FARSB: variants seen among roughly 807,000 people sequenced by gnomAD.
FARSB encodes phenylalanine--tRNA ligase beta subunit.
Under a neutral mutation model 69.6 loss-of-function variants are expected in FARSB, and 40 were observed. The observed-to-expected ratio is 0.57, with a 90% confidence interval of 0.45 to 0.75. The LOEUF (loss-of-function observed/expected upper bound fraction) is 0.75. Among genes scored for constraint, FARSB ranks in the 30% least tolerant of loss-of-function variants. FARSB has a pLI of 0.00. For missense variants in FARSB, 632 were observed against 722.9 expected (o/e 0.87, Z 1.44); for synonymous variants, 235 against 247.2 (o/e 0.95, Z 0.46).
At chr2:222,624,187 T>C in intron 12 of FARSB, 85 bp downstream of exon 12, 1 of 888,060 alleles carries the variant, frequency 1.1e-6, no homozygotes, top group South Asian at 1.4e-5. Flanking sequence ...GCTTGATTCC[T>C]ACGTTCTGTT....
chr2:222,621,282 C>T (rs1023305968), intron 13 of FARSB, among the ~76,000 whole-genome samples: 1 of 152,198 alleles, frequency 6.6e-6, no homozygotes, highest in African/African-American at 2.4e-5. Flanking sequence ...GTAGTTAGTA[C>T]ACAGTAAGAA....
At chr2:222,639,554 G>A (rs1691663791) in intron 5 of FARSB, 26 bp downstream of exon 5, 6 of 1,130,510 alleles carry the variant, frequency 5.3e-6, no homozygotes, top group Admixed American at 1.9e-5. Flanking sequence ...GGGAAGGCAA[G>A]GAAGAAAGAA....
At chr2:222,612,001 G>T (rs909970964) in intron 15 of FARSB, among the ~76,000 whole-genome samples, 2 of 152,080 alleles carry the variant, frequency 1.3e-5, no homozygotes, top group African/African-American at 4.8e-5. Flanking sequence ...ATTTATAAAT[G>T]TAACCATATA....
intron 16 of FARSB, among the ~76,000 whole-genome samples, chr2:222,593,076 A>G (rs1449010791): frequency 1.3e-5 from 2 of 152,076 alleles, no homozygotes; most frequent in African/African-American, 4.8e-5. Context: ...TCAAGCATCC[A>G]TCGGGGGTCT....
intron 16 of FARSB, among the ~76,000 whole-genome samples, chr2:222,575,839 G>C: frequency 6.6e-6 from 1 of 152,158 alleles, no homozygotes; most frequent in East Asian, 1.9e-4. Context: ...TGAGGACCTT[G>C]GGGGTAATTC....
At chr2:222,606,272 T>G (rs1690702336) in intron 15 of FARSB, among the ~76,000 whole-genome samples, 1 of 152,202 alleles carries the variant, frequency 6.6e-6, no homozygotes, top group Non-Finnish European at 1.5e-5. Context: ...AACCACAAAC[T>G]TATTTCCACC....
At chr2:222,626,325 C>T (rs1349636744) in intron 10 of FARSB, among the ~76,000 whole-genome samples, 1 of 149,574 alleles carries the variant, frequency 6.7e-6, no homozygotes, top group African/African-American at 2.5e-5. Flanking sequence ...TTCCAAAGTA[C>T]ACACCATTAA....
At position 222,629,361 on chromosome 2, in the gene FARSB, C is replaced by T. The variant is rs568997834; in HGVS notation, c.849-473G>A. Among the ~76,000 whole-genome samples the T allele has an allele frequency of 1.1e-4, 17 of 152,302 alleles. No individual in the cohort carries two copies. The South Asian group carries it at 3.3e-3, about 30-fold the overall frequency. ...ACTATGATGCTAGTACCAAGGACCACATAGATGTGTTAAATAGTTTTTTAA... is the reference window on the plus strand; with the variant it reads ...ACTATGATGCTAGTACCAAGGACCATATAGATGTGTTAAATAGTTTTTTAA... On this transcript the variant is annotated intron_variant, in intron 9 of 16. Transcript: ENST00000281828.
At chr2:222,631,452 A>G (rs1691421903) in intron 8 of FARSB, 152 bp downstream of exon 8, 3 of 630,956 alleles carry the variant, frequency 4.8e-6, no homozygotes, top group Non-Finnish European at 2.9e-6. Flanking sequence ...ACCAAAGTGT[A>G]GAATATCTCT....
intron 16 of FARSB, among the ~76,000 whole-genome samples, chr2:222,589,709 C>T (rs1054307500): frequency 1.3e-5 from 2 of 152,062 alleles, no homozygotes; most frequent in African/African-American, 4.8e-5. Flanking sequence ...CGAAGGATAT[C>T]AACATGTACT....
In FARSB at chr2:222,640,508, C is replaced by G. The variant is rs541507996; in HGVS notation, c.339+354G>C. Among the ~76,000 whole-genome samples, 31 of 151,416 alleles carry G rather than the reference C, an allele frequency of 2.0e-4. No individual in the cohort carries two copies. In the East Asian group the frequency reaches 6.0e-3, roughly 29 times the overall value. ...GTGTGGTGGCGTGTGTCTGTACTCCCAAATACTCAAGAAGCTGCAGGGGAA... is the reference window on the plus strand; with the variant it reads ...GTGTGGTGGCGTGTGTCTGTACTCCGAAATACTCAAGAAGCTGCAGGGGAA... On this transcript the variant is annotated intron_variant, in intron 4 of 16. Transcript: ENST00000281828.
At chr2:222,613,786 C>G (rs1326061156) in intron 15 of FARSB, 25 bp downstream of exon 15, 1 of 1,351,470 alleles carries the variant, frequency 7.4e-7, no homozygotes, top group East Asian at 2.3e-5. Flanking sequence ...ATACACAAAT[C>G]AAATCAAAGG....
chr2:222,603,942 C>A (rs184889871), intron 15 of FARSB, among the ~76,000 whole-genome samples: 534 of 151,918 alleles, frequency 3.5e-3, no homozygotes, highest in African/African-American at 0.012. Context: ...TGAGGCCAGG[C>A]GCGGTGGCTC....
At chr2:222,609,163 C>A (rs1404923448) in intron 15 of FARSB, among the ~76,000 whole-genome samples, 1 of 152,032 alleles carries the variant, frequency 6.6e-6, no homozygotes, top group Non-Finnish European at 1.5e-5. Context: ...GCTTCAGTGA[C>A]CATAAAGGAA....
chr2:222,624,405 T>C lies in FARSB; in HGVS notation c.1037A>G (p.Gln346Arg), dbSNP rs1015936746. 1 of 1,612,194 alleles carries C rather than the reference T, an allele frequency of 6.2e-7. No homozygotes were observed. The highest frequency in any genetic ancestry group is 1.3e-5 in the African/African-American group (1 of 74,918). The stretch of plus-strand genomic sequence containing the variant: ...GGTTGGAGGGATTTCAATCTCAATC[T>C]GATTCCCATCACCTATGACTTCTGA... ...LKSEVIGDGN[Q>R]IEIEIPPTRA... The change falls in exon 12 of 17, where the codon CAG (glutamine) becomes CGG (arginine). Residue 346 changes from glutamine (Q) to arginine (R), a missense_variant. Physicochemically the swap from Gln to Arg is conservative, Grantham distance 43. Transcript: ENST00000281828.
At chr2:222,634,306 T>C (rs1691517135) in intron 6 of FARSB, 85 bp downstream of exon 6, 1 of 938,240 alleles carries the variant, frequency 1.1e-6, no homozygotes, top group Non-Finnish European at 1.6e-6. Context: ...AAAGTATTGA[T>C]TACATTTCCC....
At chr2:222,572,967 A>T (rs148640909) in intron 16 of FARSB, among the ~76,000 whole-genome samples, 6 of 152,342 alleles carry the variant, frequency 3.9e-5, no homozygotes, top group African/African-American at 1.4e-4. Flanking sequence ...CAACAGAAAC[A>T]TTTACTGGCA....
In FARSB at chr2:222,571,954, C is replaced by T. The variant is rs535728309; in HGVS notation, c.1687G>A (p.Val563Ile). ...ARGQSVGKLGVLHPDVITKFE... is the reference protein window; with the variant it reads ...ARGQSVGKLGILHPDVITKFE... ...TTGGTGATAACGTCAGGATGAAGGA[C>T]CCCAAGCTTCCCGACGCTTTGACCC... The change falls in exon 17 of 17, where the codon GTC (valine) becomes ATC (isoleucine). Residue 563 changes from valine (V) to isoleucine (I), a missense_variant. Val to Ile is a conservative substitution (Grantham distance 29). Coordinates refer to ENST00000281828, the MANE Select transcript of FARSB (RefSeq NM_005687.5). 6.2e-7 allele frequency: 1 copy of T among 1,613,792 alleles called. No individual in the cohort carries two copies. Among genetic ancestry groups the T allele is most frequent in the Non-Finnish European group, 8.5e-7 (1 of 1,179,842 alleles).
chr2:222,584,267 C>T (rs1486951941), intron 16 of FARSB, among the ~76,000 whole-genome samples: 67 of 151,992 alleles, frequency 4.4e-4, no homozygotes, highest in Admixed American at 4.3e-3. Flanking sequence ...TTGACTATTT[C>T]AAAATAAAAA....
Sources: allele counts gnomAD v4.1 joint callset (sites outside exome capture counted in the v4.1 genomes callset), GRCh38; gene constraint gnomAD v4.1.1; transcripts MANE v1.5; gene names NCBI Gene and HGNC (gene_info 2026-07-23, HGNC 2026-07-21).